PPFIA4: variants seen among roughly 807,000 people sequenced by gnomAD.
The protein encoded by PPFIA4 is PPFI scaffold protein A4, also known as liprin-alpha-4.
A neutral mutation model predicts 145.7 loss-of-function variants in PPFIA4; 98 were observed. The ratio of observed to expected loss-of-function variants is 0.67; its 90% CI spans 0.57 to 0.80. The LOEUF is 0.80. Ranked by LOEUF, PPFIA4 falls within the 30% of genes least tolerant of loss-of-function variation. The probability of loss-of-function intolerance (pLI) is 0.00; values close to 1 mark genes in which losing one functional copy is unlikely to be tolerated. For synonymous variants in PPFIA4, 628 were observed against 649.6 expected (o/e 0.97, Z 0.51); for missense variants, 1,457 against 1,632.7 (o/e 0.89, Z 1.85).
chr1:203,071,044 T>C (rs1234315757), intron 27 of PPFIA4, among the ~76,000 whole-genome samples: 1 of 151,864 alleles, frequency 6.6e-6, no homozygotes, highest in Non-Finnish European at 1.5e-5. Context: ...CTCAGACTCC[T>C]GGGATCAAGC....
Position 203,059,270 on chromosome 1 carries a change from A to T in PPFIA4, c.2500A>T (p.Lys834Ter), listed in dbSNP as rs1195727388. The T allele has an allele frequency of 6.6e-7, 1 of 1,513,850 alleles. No homozygotes were observed. The allele number at this position is 1,513,850 out of a possible 1,614,324, so 93.8% of individuals were successfully genotyped here. A position where few individuals can be genotyped will look rare whatever the true frequency, so the allele number is the denominator to read the frequency against. The change falls in exon 20 of 30, where the codon AAA becomes TAA. Residue 834 changes from lysine to a stop codon, truncating the protein, a stop_gained and splice_region_variant. Transcript: ENST00000295706. LOFTEE classifies it high-confidence loss of function. The part of the protein sequence containing the change: ...QAEKDRRLKK[K>*]HQLLEDARRK... ...AGAGAAGGACCGGCGGCTAAAGAAG[A>T]AGTAAGAGCCACAGGCCAGGGTCTG...
At chr1:203,039,333 T>A in intron 2 of PPFIA4, 91 bp downstream of exon 2, 1 of 925,186 alleles carries the variant, frequency 1.1e-6, no homozygotes, top group Non-Finnish European at 1.6e-6. Flanking sequence ...TGCATCTATT[T>A]GCATATCAAT....
rs549829669 is a variant in PPFIA4 at position 203,045,467 on chromosome 1, G to A, written c.766G>A (p.Val256Met). The change falls in exon 7 of 30, where the codon GTG becomes ATG. Residue 256 changes from valine to methionine, a missense_variant. Val to Met is a conservative substitution (Grantham distance 21, BLOSUM62 1). Around this residue, in one of 3 missense-constraint regions of PPFIA4, gnomAD observed 463 missense variants for 459.8 expected, o/e 1.01. Coordinates refer to ENST00000295706, the MANE Select transcript of PPFIA4 (RefSeq NM_001304331.2). ...RERLVTLTTT[V>M]TELEEDLGTA... Reference sequence around the variant, plus strand: ...GCGACTGGTCACCCTAACAACAACCGTGACTGAACTCGAGGAGGACCTGGG... The same window carrying A: ...GCGACTGGTCACCCTAACAACAACCATGACTGAACTCGAGGAGGACCTGGG... 22 of 1,609,708 alleles carry A rather than the reference G, an allele frequency of 1.4e-5. 1 individual carries two copies. The South Asian group carries it at 1.4e-4, about 11-fold the overall frequency.
At position 203,060,126 on chromosome 1, in the gene PPFIA4, G is replaced by A; in HGVS notation, c.2584-91G>A. 1 of 1,270,528 alleles carries A rather than the reference G, an allele frequency of 7.9e-7. No individual in the cohort carries two copies. Among genetic ancestry groups the A allele is most frequent in the East Asian group, 2.5e-5 (1 of 40,322 alleles). 78.7% of individuals were successfully genotyped at this position (1,270,528 alleles called of 1,614,324 possible). A position where few individuals can be genotyped will look rare whatever the true frequency, so the allele number is the denominator to read the frequency against. On this transcript the variant is annotated intron_variant, in intron 21 of 29. Coordinates refer to ENST00000295706, the MANE Select transcript of PPFIA4 (RefSeq NM_001304331.2). This position sits in a 1 kb window ranked among gnomAD's most constrained non-coding sequence, Gnocchi z 4.8. The stretch of plus-strand genomic sequence containing the variant: ...TCTGTATTTGCTATTCGAGTCCGTG[G>A]ATGAGGCCTGGCCCTTGCCCCTTGC...
rs1046023265 is a variant in PPFIA4 at position 203,055,315 on chromosome 1, C to G, written c.1830-117C>G. ...CTAAGCTCCAGTGGGACAGACAAAGCCTGGCGGGTGTACACCGCATGTGGT... is the reference window on the plus strand; with the variant it reads ...CTAAGCTCCAGTGGGACAGACAAAGGCTGGCGGGTGTACACCGCATGTGGT... On this transcript the variant is annotated intron_variant, in intron 15 of 29. Transcript: ENST00000295706. The surrounding 1 kb of genome is among the most constrained non-coding windows in gnomAD (Gnocchi z 4.8). The G allele has an allele frequency of 1.0e-5, 14 of 1,358,490 alleles. No homozygotes were observed. Among genetic ancestry groups the G allele is most frequent in the Non-Finnish European group, 1.4e-5 (14 of 966,860 alleles). The allele number at this position is 1,358,490 out of a possible 1,614,324, so 84.2% of individuals were successfully genotyped here.
rs780414004 is a variant in PPFIA4, at chr1:203,053,791, G to A, written c.1659G>A (p.Pro553=). The A allele has an allele frequency of 8.4e-6, 13 of 1,552,056 alleles. No homozygotes were observed. Among genetic ancestry groups the A allele is most frequent in the East Asian group, 2.4e-5 (1 of 41,022 alleles). Residue 553 remains proline, a synonymous_variant, in exon 15 of 30, where the codon CCG becomes CCA. Transcript: ENST00000295706. The part of the protein sequence containing the change: ...ETSPLPGMLA[P]AAGPAFDSDP... ...CTCCACTGCCTGGGATGCTGGCCCC[G>A]GCAGCTGGCCCTGCCTTTGACAGTG...
chr1:203,046,451 G>A, intron 9 of PPFIA4, 69 bp downstream of exon 9: 1 of 1,497,718 alleles, frequency 6.7e-7, no homozygotes, highest in East Asian at 2.5e-5. Context: ...AGCCAGGCAG[G>A]GAAGGGAGCG....
At chr1:203,052,037 A>C (rs1660556116) in intron 14 of PPFIA4, among the ~76,000 whole-genome samples, 160 bp downstream of exon 14, 1 of 130,136 alleles carries the variant, frequency 7.7e-6, no homozygotes, top group Non-Finnish European at 1.6e-5. Flanking sequence ...GTCAGCTGCA[A>C]CAGCTGTGCC....
At chr1:203,073,055 T>C (rs1418604753) in intron 28 of PPFIA4, among the ~76,000 whole-genome samples, 1 of 152,198 alleles carries the variant, frequency 6.6e-6, no homozygotes, top group Admixed American at 6.5e-5. Context: ...TGCTGTCTAA[T>C]TTAGAAGCTA....
intron 1 of PPFIA4, among the ~76,000 whole-genome samples, chr1:203,030,458 A>G (rs1010355802): frequency 1.3e-5 from 2 of 152,160 alleles, no homozygotes; most frequent in Non-Finnish European, 2.9e-5. Context: ...GACCCCAGAA[A>G]TCTCATGGAC....
rs1401518798 is a variant in PPFIA4, at chr1:203,053,873, G to T, written c.1741G>T (p.Asp581Tyr). Residue 581 changes from aspartate to tyrosine, a missense_variant, in exon 15 of 30, where the codon GAT becomes TAT. Physicochemically the swap from Asp to Tyr is radical, Grantham distance 160. Around this residue, in one of 3 missense-constraint regions of PPFIA4, gnomAD observed 848 missense variants for 1,046.7 expected, o/e 0.81. Transcript: ENST00000295706. ...GCCAGGGGGTCTGGTGGGCTCTGCG[G>T]ATGTTGTCTCCCCCAGCGGCCACTC... ...DEPGGLVGSA[D>Y]VVSPSGHSDA... is the part of the protein sequence containing the mutation. The T allele has an allele frequency of 6.4e-7, 1 of 1,560,272 alleles. No individual in the cohort carries two copies. Among genetic ancestry groups the T allele is most frequent in the South Asian group, 1.2e-5 (1 of 84,536 alleles).
chr1:203,072,549 T>C (rs1198560802), intron 28 of PPFIA4, among the ~76,000 whole-genome samples: 3 of 152,220 alleles, frequency 2.0e-5, no homozygotes, highest in Admixed American at 2.0e-4. Context: ...CCCCGCCTCC[T>C]CTTCCTCCCT....
chr1:203,068,668 G>A lies in PPFIA4; in HGVS notation c.3324+40G>A. 2 of 1,429,850 alleles carry A rather than the reference G, an allele frequency of 1.4e-6. No homozygotes were observed. The highest frequency in any genetic ancestry group is 1.8e-6 in the Non-Finnish European group (2 of 1,089,226). The allele number at this position is 1,429,850 out of a possible 1,614,324, so 88.6% of individuals were successfully genotyped here. A position where few individuals can be genotyped will look rare whatever the true frequency, so the allele number is the denominator to read the frequency against. On this transcript the variant is annotated intron_variant, in intron 27 of 29. Transcript: ENST00000295706. The surrounding 1 kb of genome is among the most constrained non-coding windows in gnomAD (Gnocchi z 4.7). Reference sequence around the variant, plus strand: ...AATCAGTCAACTTGAGTCTCTCCCTGTATCCCTCACTTGCTCTCTTTCTTT... The same window carrying A: ...AATCAGTCAACTTGAGTCTCTCCCTATATCCCTCACTTGCTCTCTTTCTTT...
In PPFIA4 at chr1:203,055,988, G is replaced by A. The variant is rs1040240757; in HGVS notation, c.2071-132G>A. ...GCCAGCTTTTTTTTTTTTTTCTGGC[G>A]TGATATTCTCTCCGGGCCTGTGTGA... On this transcript the variant is annotated intron_variant, in intron 16 of 29. Transcript: ENST00000295706. The surrounding 1 kb of genome is among the most constrained non-coding windows in gnomAD (Gnocchi z 4.8). 21 of 881,332 alleles carry A rather than the reference G, an allele frequency of 2.4e-5. No homozygotes were observed. The South Asian group carries it at 2.4e-4, about 10-fold the overall frequency. 54.6% of individuals were successfully genotyped at this position (881,332 alleles called of 1,614,324 possible). A position where few individuals can be genotyped will look rare whatever the true frequency, so the allele number is the denominator to read the frequency against.
rs1184017744 is a variant in PPFIA4 at position 203,038,828 on chromosome 1, C to G, written c.-181C>G. On this transcript the variant is annotated 5_prime_UTR_variant, in exon 2 of 30. Transcript: ENST00000295706. ...TCTGGCTCAGTTCCACAGGGGCACT[C>G]CAGACCCCAGGCCCCTTTCAGAGCA... The G allele has an allele frequency of 5.6e-6, 3 of 534,676 alleles. No homozygotes were observed. Among genetic ancestry groups the G allele is most frequent in the African/African-American group, 3.9e-5 (2 of 51,352 alleles). The allele number at this position is 534,676 out of a possible 1,614,324, so 33.1% of individuals were successfully genotyped here. A position where few individuals can be genotyped will look rare whatever the true frequency, so the allele number is the denominator to read the frequency against.
chr1:203,045,708 C>T, intron 7 of PPFIA4, 133 bp from the exon 8 acceptor site: 1 of 1,476,650 alleles, frequency 6.8e-7, no homozygotes, highest in Non-Finnish European at 9.1e-7. Context: ...TGGGCCAAAG[C>T]CAGAAACTGA....
intron 19 of PPFIA4, among the ~76,000 whole-genome samples, chr1:203,058,126 A>C (rs1443055364): frequency 1.3e-5 from 2 of 152,116 alleles, no homozygotes; most frequent in African/African-American, 4.8e-5. Context: ...GAATAAAGGA[A>C]CCTTTGGACC....
intron 1 of PPFIA4, among the ~76,000 whole-genome samples, chr1:203,030,782 C>T (rs900732151): frequency 1.1e-4 from 16 of 152,244 alleles, no homozygotes; most frequent in Non-Finnish European, 4.4e-5. Flanking sequence ...CAAGCTCTCA[C>T]AGCTCCCATG....
Position 203,048,192 on chromosome 1 carries a change from A to T in PPFIA4, c.1141-35A>T, listed in dbSNP as rs774751404. 1 of 1,603,236 alleles carries T rather than the reference A, an allele frequency of 6.2e-7. No homozygotes were observed. Among genetic ancestry groups the T allele is most frequent in the Non-Finnish European group, 8.5e-7 (1 of 1,172,440 alleles). On this transcript the variant is annotated intron_variant, in intron 9 of 29. Transcript: ENST00000295706. This position sits in a 1 kb window ranked among gnomAD's most constrained non-coding sequence, Gnocchi z 5.8. ...CGGGGCCTGAGCAGGAAGAACAGAGATCTGCGGGCTGCACCGACCCATCCC... is the reference window on the plus strand; with the variant it reads ...CGGGGCCTGAGCAGGAAGAACAGAGTTCTGCGGGCTGCACCGACCCATCCC...
Sources: allele counts gnomAD v4.1 joint callset (sites outside exome capture counted in the v4.1 genomes callset), GRCh38; gene constraint gnomAD v4.1.1; regional missense constraint gnomAD v4.1.1; non-coding constraint Gnocchi (gnomAD v3.1); transcripts MANE v1.5; gene names NCBI Gene and HGNC (gene_info 2026-07-23, HGNC 2026-07-21).